Variants in IFT74 observed in about 807,000 individuals in gnomAD.
IFT74 encodes the protein intraflagellar transport protein 74 homolog.
In IFT74, 92 loss-of-function variants were observed where a neutral mutation model predicts 96.7. The observed-to-expected ratio is 0.95, with a 90% CI of 0.80 to 1.13. The LOEUF is 1.13. IFT74 is among the 50% of genes most tolerant of loss of function. The probability of loss-of-function intolerance (pLI) is 0.00; values close to 1 mark genes in which losing one functional copy is unlikely to be tolerated. For missense variants in IFT74, 811 were observed against 698.2 expected (o/e 1.16, Z -1.82); for synonymous variants, 223 against 213.2 (o/e 1.05, Z -0.40).
intron 6 of IFT74, 110 bp from the exon 7 acceptor site, chr9:26,988,559 T>C (rs1827731882): frequency 5.9e-6 from 6 of 1,022,962 alleles, no homozygotes; most frequent in Non-Finnish European, 8.3e-6. Flanking sequence ...GTATTAATAC[T>C]TAAGTTACTA....
intron 8 of IFT74, chr9:26,999,613 C>G (rs1828365132): frequency 6.3e-7 from 1 of 1,581,782 alleles, no homozygotes; most frequent in Non-Finnish European, 8.6e-7. Flanking sequence ...TAAAAACTTA[C>G]TCTTTTAGAA....
intron 9 of IFT74, among the ~76,000 whole-genome samples, chr9:27,010,801 G>A (rs1829032422): frequency 6.6e-6 from 1 of 152,144 alleles, no homozygotes; most frequent in South Asian, 2.1e-4. Flanking sequence ...ACAGATGAGT[G>A]AGAACATGCA....
chr9:26,949,863 T>A (rs1396905596), intron 1 of IFT74, among the ~76,000 whole-genome samples: 1 of 152,208 alleles, frequency 6.6e-6, no homozygotes, highest in Non-Finnish European at 1.5e-5. Context: ...CCAGGTTGTG[T>A]CTGTTGGTCT....
At chr9:27,042,056 A>C (rs942302683) in intron 13 of IFT74, among the ~76,000 whole-genome samples, 1 of 152,202 alleles carries the variant, frequency 6.6e-6, no homozygotes, top group Non-Finnish European at 1.5e-5. Context: ...TTCTGACTTG[A>C]ATGATGAATG....
intron 9 of IFT74, among the ~76,000 whole-genome samples, chr9:27,009,895 A>T (rs2131602610): frequency 6.6e-6 from 1 of 152,292 alleles, no homozygotes; most frequent in South Asian, 2.1e-4. Flanking sequence ...GCACGTATGC[A>T]ATGTATAATG....
chr9:27,012,103 C>G, intron 10 of IFT74, 135 bp downstream of exon 10: 1 of 515,756 alleles, frequency 1.9e-6, no homozygotes, highest in Non-Finnish European at 3.4e-6. Flanking sequence ...CTTTTTCTTC[C>G]TATTCTGGAC....
chr9:26,995,792 A>G, intron 8 of IFT74: 1 of 1,613,568 alleles, frequency 6.2e-7, no homozygotes. Context: ...TGAAGTCGTC[A>G]GTACAGTGAC....
intron 8 of IFT74, among the ~76,000 whole-genome samples, chr9:26,991,787 T>A (rs547656114): frequency 7.2e-5 from 11 of 152,174 alleles, no homozygotes; most frequent in African/African-American, 2.6e-4. Context: ...TCCCAGCACT[T>A]TGGGAGGCCG....
chr9:27,004,460 G>T (rs903976276), intron 8 of IFT74, among the ~76,000 whole-genome samples: 5 of 152,186 alleles, frequency 3.3e-5, no homozygotes, highest in Non-Finnish European at 5.9e-5. Context: ...TGCCTTTTCA[G>T]AGGAGAAAGA....
chr9:26,957,319 G>T (rs1459335425), intron 1 of IFT74, among the ~76,000 whole-genome samples: 1 of 152,170 alleles, frequency 6.6e-6, no homozygotes, highest in East Asian at 1.9e-4. Context: ...AAGTTAGCAG[G>T]AAACCTAGAG....
rs978779031 is a variant in IFT74 at position 27,062,936 on chromosome 9, A to G, written c.*200A>G. ...AATGGTTTGCATATTAAAAAGTACC[A>G]TCTTCTTTTCTTTTTATGCTACTTG... On this transcript the variant is annotated 3_prime_UTR_variant, in exon 20 of 20. Coordinates refer to ENST00000380062, the MANE Select transcript of IFT74 (RefSeq NM_025103.4). The G allele has an allele frequency of 1.9e-5, 9 of 484,022 alleles. No individual in the cohort carries two copies. The highest frequency in any genetic ancestry group is 1.4e-4 in the African/African-American group (7 of 48,870). The allele number at this position is 484,022 out of a possible 1,614,324, so 30.0% of individuals were successfully genotyped here. A position where few individuals can be genotyped will look rare whatever the true frequency, so the allele number is the denominator to read the frequency against.
At chr9:26,963,816 T>C (rs1232633686) in intron 2 of IFT74, among the ~76,000 whole-genome samples, 1 of 152,234 alleles carries the variant, frequency 6.6e-6, no homozygotes, top group Non-Finnish European at 1.5e-5. Flanking sequence ...GTTTGTTTTT[T>C]TCTTGTAAAT....
chr9:27,030,770 G>A (rs1000407557), intron 13 of IFT74, among the ~76,000 whole-genome samples: 3 of 152,088 alleles, frequency 2.0e-5, no homozygotes, highest in Admixed American at 2.0e-4. Flanking sequence ...TTTCTTAGTT[G>A]AAATGCCAAC....
intron 8 of IFT74, among the ~76,000 whole-genome samples, chr9:26,991,418 T>C (rs1827862842): frequency 6.6e-6 from 1 of 152,000 alleles, no homozygotes. Context: ...CAGGGTCTTA[T>C]TACGTTGCTC....
Position 26,967,803 on chromosome 9 carries a change from G to A in IFT74, c.120+5716G>A, listed in dbSNP as rs188050570. On this transcript the variant is annotated intron_variant, in intron 2 of 19. Transcript: ENST00000380062. ...GTTTTTTGAGGATTTTGATCATCAG[G>A]AGATGTTAAATGTCATCAAATGCTT... Among the ~76,000 whole-genome samples, 578 of 152,218 alleles carry A rather than the reference G, an allele frequency of 3.8e-3. 3 individuals are homozygous for A. The highest frequency in any genetic ancestry group is 3.6e-3 in the Non-Finnish European group (248 of 67,986).
At chr9:27,005,365 C>T (rs868326201) in intron 8 of IFT74, among the ~76,000 whole-genome samples, 4 of 104,542 alleles carry the variant, frequency 3.8e-5, no homozygotes, top group African/African-American at 1.1e-4. Context: ...CCCCCCGCCC[C>T]CCGCAAAACA....
At chr9:27,016,432 G>T (rs1045065359) in intron 10 of IFT74, among the ~76,000 whole-genome samples, 2 of 152,116 alleles carry the variant, frequency 1.3e-5, no homozygotes, top group African/African-American at 4.8e-5. Context: ...AAATTGACAG[G>T]TTTATGATGT....
At chr9:27,018,583 T>A (rs1338729876) in intron 11 of IFT74, 64 bp from the exon 12 acceptor site, 19 of 826,044 alleles carry the variant, frequency 2.3e-5, no homozygotes, top group Non-Finnish European at 3.6e-5. Context: ...AAGGAAATTA[T>A]CTTTAAGATA....
At chr9:27,053,300 T>A (rs1783576548) in intron 16 of IFT74, among the ~76,000 whole-genome samples, 1 of 151,380 alleles carries the variant, frequency 6.6e-6, no homozygotes, top group Non-Finnish European at 1.5e-5. Context: ...TGTAAAAATT[T>A]CAGGGGAGGG....
Sources: allele counts gnomAD v4.1 joint callset (sites outside exome capture counted in the v4.1 genomes callset), GRCh38; gene constraint gnomAD v4.1.1; transcripts MANE v1.5; gene names NCBI Gene and HGNC (gene_info 2026-07-23, HGNC 2026-07-21).